PPP1R16A: variants seen among roughly 807,000 people sequenced by gnomAD.
PPP1R16A encodes the protein protein phosphatase 1 regulatory subunit 16A.
PPP1R16A carries 39 observed loss-of-function variants against 46.6 expected under a neutral mutation model. The observed-to-expected ratio is 0.84, with a 90% CI of 0.65 to 1.09. PPP1R16A has a LOEUF of 1.09. Among genes scored for constraint, PPP1R16A ranks in the 50% least tolerant of loss-of-function variants. The pLI is 0.00. For synonymous variants in PPP1R16A, 413 were observed against 321.5 expected, an observed-to-expected ratio of 1.28 and a Z score of -3.04; for missense variants, 798 against 735.6, an observed-to-expected ratio of 1.08 and a Z score of -0.98.
In PPP1R16A at chr8:144,500,090, C is replaced by A; in HGVS notation, c.477-6C>A. On this transcript the variant is annotated splice_region_variant and splice_polypyrimidine_tract_variant and intron_variant, in intron 5 of 11. Coordinates refer to ENST00000435887, the MANE Select transcript of PPP1R16A (RefSeq NM_001329443.2). ...GTGCCCAGCACCCCGTCCGTCTTCC[C>A]TGCAGTGGCGCCAATCTCCTGGCGG... 6.2e-7 allele frequency: 1 copy of A among 1,605,038 alleles called. No individual in the cohort carries two copies.
intron 1 of PPP1R16A, among the ~76,000 whole-genome samples, chr8:144,482,694 G>A (rs1055566030): frequency 1.5e-5 from 2 of 132,734 alleles, no homozygotes; most frequent in Non-Finnish European, 3.1e-5. Context: ...TCACTCTATC[G>A]CCAGGCTAGA....
At position 144,493,004 on chromosome 8, in the gene PPP1R16A, G is replaced by A. The variant is rs1825878934; in HGVS notation, c.-735+2792G>A. Among the ~76,000 whole-genome samples, 1 of 152,168 alleles carries A rather than the reference G, an allele frequency of 6.6e-6. No individual in the cohort carries two copies. The highest frequency in any genetic ancestry group is 1.5e-5 in the Non-Finnish European group (1 of 67,996). ...TTGGCCTTGGTCTCCCCATGTGGAA[G>A]ATGGGGTGATGGCAGGTGCCTGAGG... On this transcript the variant is annotated intron_variant, in intron 2 of 11. Transcript: ENST00000435887. The surrounding 1 kb of genome is among the most constrained non-coding windows in gnomAD (Gnocchi z 4.3).
chr8:144,500,793 G>A (rs767715606), intron 9 of PPP1R16A, 32 bp downstream of exon 9: 4 of 1,606,718 alleles, frequency 2.5e-6, no homozygotes, highest in Middle Eastern at 1.7e-4. Context: ...CCACCTGGGG[G>A]AGAGGACAGG....
At chr8:144,490,848 A>T (rs1825785211) in intron 2 of PPP1R16A, among the ~76,000 whole-genome samples, 1 of 152,204 alleles carries the variant, frequency 6.6e-6, no homozygotes, top group Non-Finnish European at 1.5e-5. Context: ...TCAGCCCAGG[A>T]GTTTGAGACC....
intron 1 of PPP1R16A, among the ~76,000 whole-genome samples, chr8:144,486,704 T>C (rs1825639524): frequency 6.6e-6 from 1 of 152,206 alleles, no homozygotes; most frequent in East Asian, 1.9e-4. Flanking sequence ...AATTGGATCG[T>C]TTCATTTTTA....
Position 144,500,777 on chromosome 8 carries a change from C to T in PPP1R16A, c.907+16C>T. 6.2e-7 allele frequency: 1 copy of T among 1,609,456 alleles called. No homozygotes were observed. The highest frequency in any genetic ancestry group is 2.2e-5 in the East Asian group (1 of 44,750). Reference sequence around the variant, plus strand: ...ACGCCCCTTGGTGAGCTTGCGGGGCCCACCTCCACCTGGGGGAGAGGACAG... The same window carrying T: ...ACGCCCCTTGGTGAGCTTGCGGGGCTCACCTCCACCTGGGGGAGAGGACAG... On this transcript the variant is annotated intron_variant, in intron 9 of 11. Coordinates refer to ENST00000435887, the MANE Select transcript of PPP1R16A (RefSeq NM_001329443.2).
chr8:144,491,875 C>T lies in PPP1R16A; in HGVS notation c.-735+1663C>T, dbSNP rs546238774. 2.8e-4 allele frequency among the ~76,000 whole-genome samples: 43 copies of T among 151,278 alleles called. No homozygotes were observed. The East Asian group carries it at 4.9e-3, about 17-fold the overall frequency. ...TGACCTTGGGAGGTCGAGGCTACAG[C>T]GAGCCGTGATTGCACCACTGCACCC... On this transcript the variant is annotated intron_variant, in intron 2 of 11. Transcript: ENST00000435887.
In PPP1R16A at chr8:144,501,770, G is replaced by A. The variant is rs775597998; in HGVS notation, c.1454G>A (p.Gly485Asp). Residue 485 changes from glycine to aspartate, a missense_variant, in exon 12 of 12, where the codon GGC becomes GAC. Transcript: ENST00000435887. ...GAGAGCCCTGAGACAGCTGAGCCTG[G>A]CCTGCCTGGTGACACGGTGACCCCC... ...GPESPETAEP[G>D]LPGDTVTPQP... The A allele has an allele frequency of 6.4e-6, 10 of 1,565,300 alleles. No homozygotes were observed. The African/African-American group carries it at 1.4e-4, about 21-fold the overall frequency.
intron 1 of PPP1R16A, among the ~76,000 whole-genome samples, chr8:144,484,190 A>G (rs1825551740): frequency 6.6e-6 from 1 of 152,134 alleles, no homozygotes; most frequent in African/African-American, 2.4e-5. Context: ...CCACAGCCCC[A>G]CCTAGACCGA....
chr8:144,480,834 G>A (rs1034883153), intron 1 of PPP1R16A, among the ~76,000 whole-genome samples: 6 of 151,878 alleles, frequency 4.0e-5, no homozygotes, highest in Non-Finnish European at 8.8e-5. Flanking sequence ...CTTACAGTAA[G>A]ATGCACCTAT....
intron 2 of PPP1R16A, among the ~76,000 whole-genome samples, chr8:144,494,422 C>T (rs1254957133): frequency 6.6e-6 from 1 of 152,166 alleles, no homozygotes; most frequent in African/African-American, 2.4e-5. Flanking sequence ...AAGGGATCCT[C>T]CCACCTCAGC....
In PPP1R16A at chr8:144,477,996, C is replaced by G; in HGVS notation, c.-1045C>G. 2.5e-6 allele frequency: 1 copy of G among 392,742 alleles called. No homozygotes were observed. Among genetic ancestry groups the G allele is most frequent in the Non-Finnish European group, 4.5e-6 (1 of 222,174 alleles). The allele number at this position is 392,742 out of a possible 1,614,324, so 24.3% of individuals were successfully genotyped here. On this transcript the variant is annotated 5_prime_UTR_variant, in exon 1 of 12. Transcript: ENST00000435887. ...GGCTTCCGGCTATGGGTACCGCGGG[C>G]CGGAAGTGTAGCGTTGCCATGGCGA...
Position 144,501,161 on chromosome 8 carries a change from G to C in PPP1R16A, c.1070G>C (p.Arg357Pro). 1 of 1,610,796 alleles carries C rather than the reference G, an allele frequency of 6.2e-7. No homozygotes were observed. The highest frequency in any genetic ancestry group is 8.5e-7 in the Non-Finnish European group (1 of 1,179,662). Residue 357 changes from arginine to proline, a missense_variant, in exon 11 of 12, where the codon CGC becomes CCC. Physicochemically the swap from Arg to Pro is moderately radical, Grantham distance 103 (BLOSUM62 -2). Transcript: ENST00000435887. Reference protein sequence around the residue: ...KVVRRVSLTQRTDLYRKQHAQ... With the variant: ...KVVRRVSLTQPTDLYRKQHAQ... ...GTGAGGCGGGTGAGCCTAACCCAGC[G>C]CACCGACCTGTACCGCAAGCAGCAC... is the stretch of plus-strand genomic sequence containing the variant.
chr8:144,499,244 C>T, intron 5 of PPP1R16A, 183 bp downstream of exon 5: 1 of 821,020 alleles, frequency 1.2e-6, no homozygotes, highest in Non-Finnish European at 1.8e-6. Context: ...GGGCATGTGC[C>T]CAGGGCAGCG....
chr8:144,501,665 A>G lies in PPP1R16A; in HGVS notation c.1349A>G (p.Asp450Gly), dbSNP rs996606289. ...DSTTPHTLVHDKAHHTLADLK... is the reference protein window; with the variant it reads ...DSTTPHTLVHGKAHHTLADLK... ...ACCACCCCCCACACCCTGGTCCACG[A>G]CAAGGCCCACCACACCCTGGCTGAC... The change falls in exon 12 of 12, where the codon GAC (aspartate) becomes GGC (glycine). Residue 450 changes from aspartate (D) to glycine (G), a missense_variant. By Grantham distance (94) the Asp-to-Gly change is moderately conservative (BLOSUM62 -1). Transcript: ENST00000435887. The G allele has an allele frequency of 2.5e-6, 4 of 1,609,894 alleles. No homozygotes were observed. The Admixed American group carries it at 6.7e-5, about 27-fold the overall frequency.
At chr8:144,497,571 C>T in intron 3 of PPP1R16A, 118 bp downstream of exon 3, 1 of 1,424,632 alleles carries the variant, frequency 7.0e-7, no homozygotes. Context: ...GCTCCAGCCC[C>T]CAGATCTTGC....
intron 1 of PPP1R16A, among the ~76,000 whole-genome samples, chr8:144,486,900 T>A (rs1244798801): frequency 2.6e-5 from 4 of 152,230 alleles, no homozygotes; most frequent in African/African-American, 9.6e-5. Flanking sequence ...GTGCTTTTGC[T>A]TTTGGTGTCA....
At chr8:144,483,889 C>A (rs560775363) in intron 1 of PPP1R16A, among the ~76,000 whole-genome samples, 43 of 152,286 alleles carry the variant, frequency 2.8e-4, no homozygotes, top group African/African-American at 1.0e-3. Context: ...TTTTCCTTGG[C>A]CACCTTCCCC....
chr8:144,497,683 C>A (rs926332095), intron 3 of PPP1R16A: 3 of 671,968 alleles, frequency 4.5e-6, no homozygotes, highest in Middle Eastern at 4.9e-4. Context: ...GTCCTTCAGG[C>A]GGGGGCTGCA....
Sources: allele counts gnomAD v4.1 joint callset (sites outside exome capture counted in the v4.1 genomes callset), GRCh38; gene constraint gnomAD v4.1.1; non-coding constraint Gnocchi (gnomAD v3.1); transcripts MANE v1.5; gene names NCBI Gene and HGNC (gene_info 2026-07-23, HGNC 2026-07-21).